Variants in PRSS23 observed in about 807,000 individuals in gnomAD.
PRSS23 encodes serine protease 23.
In PRSS23, 25 loss-of-function variants were observed where a neutral mutation model predicts 34.7. The observed-to-expected ratio is 0.72, with a 90% CI of 0.53 to 1.01. The LOEUF (loss-of-function observed/expected upper bound fraction) is 1.01. Ranked by LOEUF, PRSS23 falls within the 50% of genes least tolerant of loss-of-function variation. PRSS23 has a pLI of 0.00. For missense variants in PRSS23, 445 were observed against 475.6 expected (o/e 0.94, Z 0.60); for synonymous variants, 176 against 186.6 (o/e 0.94, Z 0.46).
chr11:86,828,046 C>G (rs1231819543), intron 2 of PRSS23, among the ~76,000 whole-genome samples: 2 of 152,234 alleles, frequency 1.3e-5, no homozygotes, highest in South Asian at 4.2e-4. Flanking sequence ...TCCTGGGTAT[C>G]CTTGTTAACT....
At chr11:86,926,029 G>A (rs1014570526) in intron 2 of PRSS23, among the ~76,000 whole-genome samples, 1 of 152,286 alleles carries the variant, frequency 6.6e-6, no homozygotes, top group African/African-American at 2.4e-5. Flanking sequence ...TATATATTGA[G>A]TCTACCATGC....
intron 2 of PRSS23, chr11:86,946,175 C>A (rs1285241731): frequency 6.6e-6 from 1 of 152,266 alleles, no homozygotes; most frequent in Non-Finnish European, 1.5e-5. Flanking sequence ...GCTTACCCCT[C>A]CCAAAGCCCA....
chr11:86,849,321 C>G (rs115733321), intron 2 of PRSS23, among the ~76,000 whole-genome samples: 2,586 of 152,284 alleles, frequency 0.017, 73 homozygotes, highest in African/African-American at 0.059. Flanking sequence ...TTTCTTGTTA[C>G]GCCCAAAAGT....
chr11:86,872,171 G>A (rs953105362), intron 2 of PRSS23, among the ~76,000 whole-genome samples: 1 of 152,168 alleles, frequency 6.6e-6, no homozygotes, highest in Non-Finnish European at 1.5e-5. Flanking sequence ...ATGTGATAAT[G>A]TATGTTAAGT....
At chr11:86,868,201 A>C (rs1166491218) in intron 2 of PRSS23, among the ~76,000 whole-genome samples, 1 of 152,206 alleles carries the variant, frequency 6.6e-6, no homozygotes, top group African/African-American at 2.4e-5. Flanking sequence ...TGAAGGACAA[A>C]GGCTGAGCAC....
In PRSS23 at chr11:86,828,808, T is replaced by C. The variant is rs550494697; in HGVS notation, c.206+5215T>C. Among the ~76,000 whole-genome samples, 661 of 152,274 alleles carry C rather than the reference T, an allele frequency of 4.3e-3. 2 individuals are homozygous for C. Among genetic ancestry groups the C allele is most frequent in the South Asian group, 0.011 (53 of 4,826 alleles). ...GGTTGAAAATTCTTTTCTTTAAGAGTGTTGAATATTGGCCCCCACTCTCTT... is the reference window on the plus strand; with the variant it reads ...GGTTGAAAATTCTTTTCTTTAAGAGCGTTGAATATTGGCCCCCACTCTCTT... On this transcript the variant is annotated intron_variant, in intron 2 of 2. Transcript: ENST00000533902.
chr11:86,807,678 T>G lies in PRSS23; in HGVS notation c.35T>G (p.Phe12Cys), dbSNP rs370075999. 1.2e-6 allele frequency: 2 copies of G among 1,613,066 alleles called. No homozygotes were observed. Among genetic ancestry groups the G allele is most frequent in the Non-Finnish European group, 8.5e-7 (1 of 1,179,466 alleles). Residue 12 changes from phenylalanine to cysteine, a missense_variant, in exon 2 of 2, where the codon TTC becomes TGC. Physicochemically the swap from Phe to Cys is radical, Grantham distance 205. Transcript: ENST00000280258. ...ATTCCAGGGCTCCTCTTCCTTCTCT[T>G]CTTTCTGCTCTGTGCTGTTGGGCAA... ...AGIPGLLFLL[F>C]FLLCAVGQVS...
chr11:86,833,421 G>A (rs1278331649), intron 2 of PRSS23: 1 of 582,382 alleles, frequency 1.7e-6, no homozygotes, highest in Non-Finnish European at 3.2e-6. Context: ...GTTCTAGGAG[G>A]AGGAATTTTG....
chr11:86,872,143 G>A (rs1948689071), intron 2 of PRSS23, among the ~76,000 whole-genome samples: 1 of 152,154 alleles, frequency 6.6e-6, no homozygotes. Flanking sequence ...CATGCAGCAG[G>A]ACTCTCGTGG....
chr11:86,825,240 G>A (rs1590880262), intron 2 of PRSS23, among the ~76,000 whole-genome samples: 1 of 151,842 alleles, frequency 6.6e-6, no homozygotes, highest in African/African-American at 2.4e-5. Context: ...GTGATGGTGA[G>A]CATTTTTTCA....
chr11:86,844,540 G>T (rs1172437871), intron 2 of PRSS23, among the ~76,000 whole-genome samples: 1 of 152,156 alleles, frequency 6.6e-6, no homozygotes, highest in Non-Finnish European at 1.5e-5. Context: ...TTTGAGTCTG[G>T]AGTAATGTGA....
In PRSS23 at chr11:86,905,228, C is replaced by T. The variant is rs114722950; in HGVS notation, c.207-45988C>T. On this transcript the variant is annotated intron_variant, in intron 2 of 2. Transcript: ENST00000533902. ...ATAGGCCTTCCTTCTCTTTGTACCT[C>T]TAATATTCAGCACATAGTGGCTATT... Among the ~76,000 whole-genome samples the T allele has an allele frequency of 4.0e-3, 603 of 152,294 alleles. 4 individuals are homozygous for T. Among genetic ancestry groups the T allele is most frequent in the African/African-American group, 0.014 (585 of 41,550 alleles).
downstream of PRSS23, among the ~76,000 whole-genome samples, chr11:86,812,666 T>C (rs1948187299): frequency 6.6e-6 from 1 of 151,332 alleles, no homozygotes; most frequent in Non-Finnish European, 1.5e-5. Context: ...CGCATGCCTG[T>C]AATCCCAGCT....
intron 2 of PRSS23, among the ~76,000 whole-genome samples, chr11:86,899,915 C>G (rs1215579251): frequency 6.6e-6 from 1 of 150,820 alleles, no homozygotes; most frequent in East Asian, 1.9e-4. Context: ...ACAAGTGACA[C>G]TGAAAAGGCT....
chr11:86,921,247 G>C (rs539648474), intron 2 of PRSS23: 1 of 152,146 alleles, frequency 6.6e-6, no homozygotes, highest in African/African-American at 2.4e-5. Flanking sequence ...TGAAGGTTGT[G>C]TGATCTTCCC....
chr11:86,905,558 G>T (rs17212187), intron 2 of PRSS23, among the ~76,000 whole-genome samples: 21,835 of 152,160 alleles, frequency 0.14, 1,942 homozygotes, highest in East Asian at 0.38. Context: ...TAGGTCATAT[G>T]CTGAGTTGAA....
intron 2 of PRSS23, among the ~76,000 whole-genome samples, chr11:86,868,304 G>A (rs1189456908): frequency 6.6e-6 from 1 of 152,162 alleles, no homozygotes; most frequent in Non-Finnish European, 1.5e-5. Context: ...AGAGAAAACT[G>A]TTCTTCATCT....
intron 2 of PRSS23, among the ~76,000 whole-genome samples, chr11:86,930,060 T>C (rs192764715): frequency 6.6e-6 from 1 of 152,184 alleles, no homozygotes; most frequent in East Asian, 1.9e-4. Context: ...TATACTATAC[T>C]ATAATAGTAT....
rs551735973 is a variant in PRSS23, at chr11:86,851,336, C to T, written c.206+27743C>T. ...GGGGCAGGGGCAAGGGAGAGATGCCCCTTGAATGATCCTGTGCCAGTTCTT... is the reference window on the plus strand; with the variant it reads ...GGGGCAGGGGCAAGGGAGAGATGCCTCTTGAATGATCCTGTGCCAGTTCTT... On this transcript the variant is annotated intron_variant, in intron 2 of 2. Transcript: ENST00000533902. Among the ~76,000 whole-genome samples the T allele has an allele frequency of 2.0e-5, 3 of 152,208 alleles. No homozygotes were observed. In the South Asian group the frequency reaches 6.2e-4, roughly 31 times the overall value.
Sources: allele counts gnomAD v4.1 joint callset (sites outside exome capture counted in the v4.1 genomes callset), GRCh38; gene constraint gnomAD v4.1.1; transcripts MANE v1.5; gene names NCBI Gene and HGNC (gene_info 2026-07-23, HGNC 2026-07-21).